The following KLF5 variants were observed in gnomAD, a reference collection of about 807,000 sequenced individuals.
KLF5 encodes the protein KLF transcription factor 5, also known as Krueppel-like factor 5.
A neutral mutation model predicts 36.9 loss-of-function variants in KLF5; 9 were observed. That is an observed-to-expected ratio of 0.24 (90% CI 0.15 to 0.43). The LOEUF (loss-of-function observed/expected upper bound fraction) is 0.43, where lower values mean the gene tolerates loss of function less well. Among genes scored for constraint, KLF5 ranks in the 20% least tolerant of loss-of-function variants. KLF5 has a pLI of 1.00. For synonymous variants in KLF5, 246 were observed against 241.7 expected (o/e 1.02, Z -0.17); for missense variants, 524 against 599.5 (o/e 0.87, Z 1.31).
Position 73,059,453 on chromosome 13 carries a change from C to T in KLF5, c.126C>T (p.Asp42=). The change falls in exon 1 of 4, where the codon GAC becomes GAT. Residue 42 remains aspartate, a synonymous_variant. Transcript: ENST00000377687. ...TGGGCGCCGCGAATCCGGCCCGCGA[C>T]GCGGCGCTCTTCCCCGGCGAGGAGC... ...PVLGAANPAR[D]AALFPGEELK... 7.8e-7 allele frequency: 1 copy of T among 1,281,604 alleles called. No homozygotes were observed. The highest frequency in any genetic ancestry group is 3.9e-5 in the Admixed American group (1 of 25,694). 79.4% of individuals were successfully genotyped at this position (1,281,604 alleles called of 1,614,324 possible). A position where few individuals can be genotyped will look rare whatever the true frequency, so the allele number is the denominator to read the frequency against.
chr13:73,059,700 C>A lies in KLF5; in HGVS notation c.261+112C>A, dbSNP rs1262327972. The A allele has an allele frequency of 5.1e-6, 5 of 974,788 alleles. No individual in the cohort carries two copies. The East Asian group carries it at 4.6e-4, about 90-fold the overall frequency. 60.4% of individuals were successfully genotyped at this position (974,788 alleles called of 1,614,324 possible). On this transcript the variant is annotated intron_variant, in intron 1 of 3. Coordinates refer to ENST00000377687, the MANE Select transcript of KLF5 (RefSeq NM_001730.5). ...CCAGGCTGGGGCGTGCGTCGGGGCG[C>A]ACCGGAGCCGGTGCTGGGTGGGCAG...
chr13:73,070,494 CAG>C (rs542954330), intron 3 of KLF5, among the ~76,000 whole-genome samples: 196 of 152,332 alleles, frequency 1.3e-3, no homozygotes, highest in Middle Eastern at 3.4e-3. Flanking sequence ...CTATTAATGA[CAG>C]GGGATAGTCT....
intron 2 of KLF5, among the ~76,000 whole-genome samples, chr13:73,063,297 A>G (rs895041217): frequency 6.6e-6 from 1 of 152,218 alleles, no homozygotes; most frequent in Non-Finnish European, 1.5e-5. Context: ...AATGACATAC[A>G]TGGCCCAAAG....
chr13:73,067,656 T>C (rs2044689890), intron 3 of KLF5, among the ~76,000 whole-genome samples: 1 of 152,132 alleles, frequency 6.6e-6, no homozygotes, highest in African/African-American at 2.4e-5. Context: ...AAGAAAGTCT[T>C]TGAACAACAC....
Position 73,059,599 on chromosome 13 carries a change from C to G in KLF5, c.261+11C>G. 1 of 1,150,204 alleles carries G rather than the reference C, an allele frequency of 8.7e-7. No individual in the cohort carries two copies. Among genetic ancestry groups the G allele is most frequent in the Non-Finnish European group, 1.1e-6 (1 of 936,418 alleles). 71.2% of individuals were successfully genotyped at this position (1,150,204 alleles called of 1,614,324 possible). The stretch of plus-strand genomic sequence containing the variant: ...GAGGACCTGGTCCAGGTAGGAAGAG[C>G]CGCTCCCCTCCCACCGCAGCACTCC... On this transcript the variant is annotated intron_variant, in intron 1 of 3. Transcript: ENST00000377687.
At chr13:73,064,517 C>G (rs75077132) in intron 3 of KLF5, among the ~76,000 whole-genome samples, 1 of 152,144 alleles carries the variant, frequency 6.6e-6, no homozygotes. Context: ...TTTAGCTCCT[C>G]TACTTTTGTA....
chr13:73,069,621 G>A (rs1037507971), intron 3 of KLF5, among the ~76,000 whole-genome samples: 26 of 152,000 alleles, frequency 1.7e-4, no homozygotes, highest in Admixed American at 3.9e-4. Flanking sequence ...AGGTATTTAT[G>A]AGCATGAAAG....
intron 3 of KLF5, among the ~76,000 whole-genome samples, chr13:73,069,203 CTCT>C (rs1053866381): frequency 4.6e-5 from 7 of 152,152 alleles, no homozygotes; most frequent in African/African-American, 1.7e-4. Context: ...ACATAAGTTA[CTCT>C]TCTTTTTGTG....
chr13:73,065,018 ATTGTGT>A (rs914744658), intron 3 of KLF5, among the ~76,000 whole-genome samples: 3 of 152,158 alleles, frequency 2.0e-5, no homozygotes, highest in Admixed American at 6.5e-5. Context: ...ATATAAAGTG[ATTGTGT>A]TTTTTTCCCT....
rs532050955 is a variant in KLF5 at position 73,073,051 on chromosome 13, G to C, written c.1196-2657G>C. The stretch of plus-strand genomic sequence containing the variant: ...GAGCTTAACTAAATATTTTAAATTG[G>C]TGGTATTGGAAAGAGATTCTGTAAA... On this transcript the variant is annotated intron_variant, in intron 3 of 3. Coordinates refer to ENST00000377687, the MANE Select transcript of KLF5 (RefSeq NM_001730.5). Among the ~76,000 whole-genome samples, 41 of 152,310 alleles carry C rather than the reference G, an allele frequency of 2.7e-4. 1 individual carries two copies. The South Asian group carries it at 8.1e-3, about 30-fold the overall frequency.
In KLF5 at chr13:73,075,972, A is replaced by AC; in HGVS notation, c.*86_*87insC. ...TTCCTGTGTAAAAACAACAAAAACA[A>AC]ACAAAAGCAAGAAAACCACAACTAA... On this transcript the variant is annotated 3_prime_UTR_variant, in exon 4 of 4. Coordinates refer to ENST00000377687, the MANE Select transcript of KLF5 (RefSeq NM_001730.5). 9.4e-7 allele frequency: 1 copy of AC among 1,059,590 alleles called. No homozygotes were observed. The highest frequency in any genetic ancestry group is 2.8e-5 in the East Asian group (1 of 35,632). The allele number at this position is 1,059,590 out of a possible 1,614,324, so 65.6% of individuals were successfully genotyped here.
chr13:73,072,775 A>AT (rs1594398769), intron 3 of KLF5, among the ~76,000 whole-genome samples: 1 of 152,146 alleles, frequency 6.6e-6, no homozygotes, highest in East Asian at 1.9e-4. Context: ...TCTGCTTAAC[A>AT]TTTTTGTAAA....
At position 73,067,682 on chromosome 13, in the gene KLF5, A is replaced by G. The variant is rs113570663; in HGVS notation, c.1195+3799A>G. Among the ~76,000 whole-genome samples, 787 of 152,282 alleles carry G rather than the reference A, an allele frequency of 5.2e-3. 8 individuals carry two copies. Among genetic ancestry groups the G allele is most frequent in the African/African-American group, 0.018 (731 of 41,566 alleles). On this transcript the variant is annotated intron_variant, in intron 3 of 3. Transcript: ENST00000377687. ...TGAACAACACACACTTGGCTCAAGT[A>G]TTCCTCAGACCCAGACTCCATGCAT...
At chr13:73,066,883 A>G (rs2044683784) in intron 3 of KLF5, among the ~76,000 whole-genome samples, 2 of 152,212 alleles carry the variant, frequency 1.3e-5, no homozygotes, top group African/African-American at 2.4e-5. Flanking sequence ...GTGTGATTAG[A>G]CAATACTGGA....
chr13:73,075,937 G>A lies in KLF5; in HGVS notation c.*51G>A. 4 of 1,403,250 alleles carry A rather than the reference G, an allele frequency of 2.9e-6. No homozygotes were observed. The highest frequency in any genetic ancestry group is 5.0e-5 in the East Asian group (2 of 40,084). 86.9% of individuals were successfully genotyped at this position (1,403,250 alleles called of 1,614,324 possible). ...GTCCCCTGGGCTCCCTCAAATGACA[G>A]ACCTAACTATTCCTGTGTAAAAACA... On this transcript the variant is annotated 3_prime_UTR_variant, in exon 4 of 4. Transcript: ENST00000377687.
chr13:73,063,983 C>CTTTT (rs67730943), intron 3 of KLF5, 100 bp downstream of exon 3: 77 of 351,318 alleles, frequency 2.2e-4, no homozygotes, highest in South Asian at 5.3e-4. Context: ...CTCCTGTCAA[C>CTTTT]TTTGTTTTTT....
chr13:73,075,603 T>C, intron 3 of KLF5, 105 bp from the exon 4 acceptor site: 1 of 960,338 alleles, frequency 1.0e-6, no homozygotes, highest in Non-Finnish European at 1.5e-6. Context: ...TTTCCTTCTT[T>C]CGCTTGGCCA....
chr13:73,062,854 A>T, intron 2 of KLF5, 120 bp downstream of exon 2: 1 of 791,816 alleles, frequency 1.3e-6, no homozygotes. Context: ...GGCTTTAAAT[A>T]GGAAAGTTGT....
In KLF5 at chr13:73,076,376, G is replaced by A. The variant is rs1377492614; in HGVS notation, c.*490G>A. 2.0e-5 allele frequency: 3 copies of A among 152,948 alleles called. No individual in the cohort carries two copies. The highest frequency in any genetic ancestry group is 7.2e-5 in the African/African-American group (3 of 41,450). The allele number at this position is 152,948 out of a possible 1,614,324, so 9.5% of individuals were successfully genotyped here. A position where few individuals can be genotyped will look rare whatever the true frequency, so the allele number is the denominator to read the frequency against. ...ATTCACAAATAGCCATTGAACAAAT[G>A]TGTGGGTTTTTAAAAATTATATACA... On this transcript the variant is annotated 3_prime_UTR_variant, in exon 4 of 4. Coordinates refer to ENST00000377687, the MANE Select transcript of KLF5 (RefSeq NM_001730.5).
Sources: gnomAD v4.1 joint callset for allele counts (sites outside exome capture counted in the v4.1 genomes callset) on GRCh38, gnomAD v4.1.1 for gene constraint, MANE v1.5 for transcripts, NCBI Gene and HGNC (gene_info 2026-07-23, HGNC 2026-07-21) for gene names.